The following ATP2B2 variants were observed in gnomAD, a reference collection of about 807,000 sequenced individuals.
ATP2B2 encodes plasma membrane calcium-transporting ATPase 2.
ATP2B2 carries 15 observed loss-of-function variants against 120.0 expected under a neutral mutation model. The ratio of observed to expected loss-of-function variants is 0.12; its 90% CI spans 0.08 to 0.19. The LOEUF (loss-of-function observed/expected upper bound fraction) is 0.19. ATP2B2 is among the 10% of genes least tolerant of loss of function. The pLI, the probability that ATP2B2 is intolerant of heterozygous loss-of-function variation, is 1.00. For missense variants in ATP2B2, 1,045 were observed against 1,719.8 expected (o/e 0.61, Z 6.94); for synonymous variants, 694 against 700.3 (o/e 0.99, Z 0.14).
chr3:10,453,173 T>C (rs972564765), intron 1 of ATP2B2, among the ~76,000 whole-genome samples: 1 of 152,234 alleles, frequency 6.6e-6, no homozygotes, highest in Non-Finnish European at 1.5e-5. Flanking sequence ...TGAGTTCAAA[T>C]TCTGGCTCCT....
chr3:10,467,419 C>G (rs1386687782), intron 1 of ATP2B2, among the ~76,000 whole-genome samples: 1 of 152,172 alleles, frequency 6.6e-6, no homozygotes, highest in Admixed American at 6.5e-5. Context: ...CCCCACTCTC[C>G]GGGCAGTCAG....
At chr3:10,512,332 G>A (rs1385822249) in intron 3 of ATP2B2, among the ~76,000 whole-genome samples, 5 of 152,118 alleles carry the variant, frequency 3.3e-5, no homozygotes, top group Non-Finnish European at 5.9e-5. Context: ...CTGGGAATAT[G>A]ACCAGTAAGA....
intron 19 of ATP2B2, among the ~76,000 whole-genome samples, chr3:10,341,201 T>A (rs1348889737): frequency 6.6e-6 from 1 of 152,180 alleles, no homozygotes; most frequent in African/African-American, 2.4e-5. Context: ...CTAGGCTGGC[T>A]CTGGACCCTC....
intron 1 of ATP2B2, among the ~76,000 whole-genome samples, chr3:10,680,025 C>T (rs2071344203): frequency 6.6e-6 from 1 of 152,082 alleles, no homozygotes; most frequent in Non-Finnish European, 1.5e-5. Flanking sequence ...TGCTGGAGCC[C>T]CAGCACCTAG....
At chr3:10,551,499 C>A (rs73121362) in intron 2 of ATP2B2, among the ~76,000 whole-genome samples, 2 of 152,228 alleles carry the variant, frequency 1.3e-5, no homozygotes, top group Non-Finnish European at 2.9e-5. Flanking sequence ...CCCACTAACA[C>A]GCATGCATAT....
intron 2 of ATP2B2, chr3:10,570,479 C>A (rs181826925): frequency 6.6e-6 from 1 of 152,206 alleles, no homozygotes; most frequent in East Asian, 1.9e-4. Context: ...TTTTAAGAAA[C>A]CAGTGTCTCC....
intron 1 of ATP2B2, among the ~76,000 whole-genome samples, chr3:10,633,236 G>T (rs1478651150): frequency 6.6e-6 from 1 of 152,152 alleles, no homozygotes; most frequent in African/African-American, 2.4e-5. Flanking sequence ...CGCTGTGGGG[G>T]TTAAATGAGT....
At chr3:10,543,495 C>A (rs565830004) in intron 2 of ATP2B2, among the ~76,000 whole-genome samples, 50 of 152,290 alleles carry the variant, frequency 3.3e-4, no homozygotes, top group African/African-American at 1.2e-3. Flanking sequence ...AGGAATCCAA[C>A]TACCTTCAAG....
chr3:10,633,999 C>T (rs892608), intron 1 of ATP2B2, among the ~76,000 whole-genome samples: 57,862 of 151,802 alleles, frequency 0.38, 13,322 homozygotes, highest in Non-Finnish European at 0.52. Flanking sequence ...CCGCCCAACC[C>T]GATCAAGAGA....
intron 1 of ATP2B2, among the ~76,000 whole-genome samples, chr3:10,692,084 C>CAGAG (rs757946873): frequency 7.3e-5 from 11 of 151,204 alleles, no homozygotes; most frequent in African/African-American, 2.7e-4. Flanking sequence ...TATATTAAAT[C>CAGAG]AGAGAGAGAG....
At chr3:10,561,242 G>A (rs1559459461) in intron 2 of ATP2B2, among the ~76,000 whole-genome samples, 1 of 152,144 alleles carries the variant, frequency 6.6e-6, no homozygotes. Context: ...ACTGCACCTG[G>A]TATACAGACA....
intron 1 of ATP2B2, among the ~76,000 whole-genome samples, chr3:10,691,018 G>A (rs1466888016): frequency 6.6e-6 from 1 of 152,220 alleles, no homozygotes; most frequent in Non-Finnish European, 1.5e-5. Context: ...TATCTGTGTG[G>A]AAGGCACTTT....
intron 2 of ATP2B2, among the ~76,000 whole-genome samples, chr3:10,574,600 C>T (rs1339636561): frequency 6.6e-6 from 1 of 152,042 alleles, no homozygotes; most frequent in Non-Finnish European, 1.5e-5. Flanking sequence ...TTCTTTTTTC[C>T]TTATCTCTAA....
chr3:10,593,645 T>C (rs12107921), intron 2 of ATP2B2, among the ~76,000 whole-genome samples: 22,285 of 152,138 alleles, frequency 0.15, 1,907 homozygotes, highest in East Asian at 0.34. Context: ...ATTCAGGACA[T>C]AGGCATGGGC....
At chr3:10,464,019 A>AC (rs1039409060) in intron 1 of ATP2B2, among the ~76,000 whole-genome samples, 2 of 151,990 alleles carry the variant, frequency 1.3e-5, no homozygotes, top group African/African-American at 4.8e-5. Flanking sequence ...CAGACCCCAG[A>AC]CCCCAGACCC....
At chr3:10,431,002 T>C (rs2063298213) in intron 2 of ATP2B2, among the ~76,000 whole-genome samples, 1 of 151,756 alleles carries the variant, frequency 6.6e-6, no homozygotes, top group Non-Finnish European at 1.5e-5. Flanking sequence ...AGAAGGGATA[T>C]AGGACTGGGA....
chr3:10,455,204 C>A (rs952519901), intron 1 of ATP2B2, among the ~76,000 whole-genome samples: 2 of 152,152 alleles, frequency 1.3e-5, no homozygotes, highest in African/African-American at 4.8e-5. Context: ...TCTGGGGGGT[C>A]AGGAAAGATA....
At chr3:10,593,798 T>A (rs1256086881) in intron 2 of ATP2B2, among the ~76,000 whole-genome samples, 1 of 151,610 alleles carries the variant, frequency 6.6e-6, no homozygotes, top group Non-Finnish European at 1.5e-5. Context: ...TGGGAGAAAA[T>A]TTTTGCAATC....
chr3:10,545,214 AAGC>A, intron 2 of ATP2B2, among the ~76,000 whole-genome samples: 1 of 152,210 alleles, frequency 6.6e-6, no homozygotes, highest in Non-Finnish European at 1.5e-5. Context: ...TATGCGTTGT[AAGC>A]ATACACACAC....
Sources: gnomAD v4.1 joint callset for allele counts (sites outside exome capture counted in the v4.1 genomes callset) on GRCh38, gnomAD v4.1.1 for gene constraint, MANE v1.5 for transcripts, NCBI Gene and HGNC (gene_info 2026-07-23, HGNC 2026-07-21) for gene names.